PCDH15: variants seen among roughly 807,000 people sequenced by gnomAD.
The protein encoded by PCDH15 is protocadherin-15.
Under a neutral mutation model 178.5 loss-of-function variants are expected in PCDH15, and 129 were observed. The ratio of observed to expected loss-of-function variants is 0.72; its 90% CI spans 0.63 to 0.84. PCDH15 has a LOEUF of 0.84. Ranked by LOEUF, PCDH15 falls within the 40% of genes least tolerant of loss-of-function variation. The pLI, the probability that PCDH15 is intolerant of heterozygous loss-of-function variation, is 0.00. For missense variants in PCDH15, 2,230 were observed against 2,099.9 expected, an observed-to-expected ratio of 1.06 and a Z score of -1.21; for synonymous variants, 800 against 732.0, an observed-to-expected ratio of 1.09 and a Z score of -1.50.
At position 53,828,562 on chromosome 10, in the gene PCDH15, T is replaced by TA. The variant is rs1057517419; in HGVS notation, c.4211+2dup. ...GGATGTGTAAAATGTTAATTATACT[T>TA]ACACTTTAAACCTGTTTGGGAAAGC... On this transcript the variant is annotated splice_region_variant and intron_variant, in intron 31 of 37. Coordinates refer to ENST00000644397, the MANE Select transcript of PCDH15 (RefSeq NM_001384140.1). 1 of 1,553,694 alleles carries TA rather than the reference T, an allele frequency of 6.4e-7. No homozygotes were observed. The highest frequency in any genetic ancestry group is 8.9e-7 in the Non-Finnish European group (1 of 1,125,662).
intron 2 of PCDH15, among the ~76,000 whole-genome samples, chr10:54,930,114 C>A (rs1837734163): frequency 6.6e-6 from 1 of 152,136 alleles, no homozygotes; most frequent in Non-Finnish European, 1.5e-5. Context: ...TTCAACATGA[C>A]ATCTCCATCT....
chr10:55,262,647 G>A (rs998787944), intron 1 of PCDH15, among the ~76,000 whole-genome samples: 1 of 152,102 alleles, frequency 6.6e-6, no homozygotes, highest in East Asian at 1.9e-4. Flanking sequence ...TGAGCAGCCC[G>A]ACTCCAGGGA....
At chr10:55,584,658 C>CAA (rs59983365) in intron 2 of PCDH15, among the ~76,000 whole-genome samples, 116 of 72,136 alleles carry the variant, frequency 1.6e-3, no homozygotes, top group African/African-American at 4.0e-3. Context: ...ACTCTGTCTC[C>CAA]AAAAAAAAAA....
chr10:55,616,101 A>G (rs2132165109), intron 2 of PCDH15, among the ~76,000 whole-genome samples: 1 of 152,288 alleles, frequency 6.6e-6, no homozygotes, highest in Non-Finnish European at 1.5e-5. Flanking sequence ...CACCATTACC[A>G]TGCAGCAAAG....
At chr10:55,346,694 T>TC (rs1844763070) in intron 2 of PCDH15, among the ~76,000 whole-genome samples, 1 of 135,646 alleles carries the variant, frequency 7.4e-6, no homozygotes, top group Non-Finnish European at 1.6e-5. Context: ...ATCTTTGGAC[T>TC]TTTTTTTTTT....
chr10:54,192,256 G>A (rs1452243059), intron 11 of PCDH15, among the ~76,000 whole-genome samples: 2 of 151,158 alleles, frequency 1.3e-5, no homozygotes, highest in East Asian at 2.0e-4. Flanking sequence ...GAGGAAGGAA[G>A]GATGTAGTTA....
rs1841065735 is a variant in PCDH15, at chr10:53,805,029, T to TTTTC, written c.*1546_*1549dup. The TTTTC allele has an allele frequency of 6.6e-6, 1 of 152,030 alleles. No individual in the cohort carries two copies. The allele number at this position is 152,030 out of a possible 1,614,324, so 9.4% of individuals were successfully genotyped here. On this transcript the variant is annotated 3_prime_UTR_variant, in exon 38 of 38. Transcript: ENST00000644397. Reference sequence around the variant, plus strand: ...ATGTTACTGTATTTGATCTCAAATATTTTCTTGGAAATCTGAAGTAAAAAC... The same window carrying TTTTC: ...ATGTTACTGTATTTGATCTCAAATATTTTCTTTCTTGGAAATCTGAAGTAAAAAC...
chr10:54,844,771 T>C (rs945311198), intron 3 of PCDH15, among the ~76,000 whole-genome samples: 3 of 151,994 alleles, frequency 2.0e-5, no homozygotes, highest in African/African-American at 7.2e-5. Flanking sequence ...TTTATGAACT[T>C]TGGGAGAACT....
intron 1 of PCDH15, among the ~76,000 whole-genome samples, chr10:55,285,464 G>A (rs1842841957): frequency 6.6e-6 from 1 of 151,010 alleles, no homozygotes; most frequent in Non-Finnish European, 1.5e-5. Flanking sequence ...TCCATTAATG[G>A]GCATTAATAA....
At chr10:54,223,475 T>C (rs1483139623) in intron 9 of PCDH15, among the ~76,000 whole-genome samples, 2 of 75,312 alleles carry the variant, frequency 2.7e-5, no homozygotes, top group African/African-American at 7.6e-5. Context: ...TTTATTTGTT[T>C]ACATATGGCT....
rs1349468487 is a variant in PCDH15, at chr10:53,842,690, T to C, written c.3807-2194A>G. On this transcript the variant is annotated intron_variant, in intron 28 of 37. Coordinates refer to ENST00000644397, the MANE Select transcript of PCDH15 (RefSeq NM_001384140.1). ...TATTTTTATTAATTTGACTGAAATATTTCCATTAATAAGCTTCTTCCTTGT... is the reference window on the plus strand; with the variant it reads ...TATTTTTATTAATTTGACTGAAATACTTCCATTAATAAGCTTCTTCCTTGT... 2.0e-5 allele frequency among the ~76,000 whole-genome samples: 3 copies of C among 152,338 alleles called. No individual in the cohort carries two copies. The East Asian group carries it at 5.8e-4, about 29-fold the overall frequency.
intron 2 of PCDH15, among the ~76,000 whole-genome samples, chr10:55,529,085 T>C (rs1841383901): frequency 6.6e-6 from 1 of 152,114 alleles, no homozygotes; most frequent in South Asian, 2.1e-4. Context: ...TTTGTTTTTT[T>C]CTTGTAAATT....
chr10:54,848,427 C>T (rs537920855), intron 3 of PCDH15, among the ~76,000 whole-genome samples: 7 of 148,518 alleles, frequency 4.7e-5, no homozygotes, highest in East Asian at 2.0e-4. Context: ...TCAGTTATTA[C>T]GGGCATAGAA....
chr10:54,502,511 C>G (rs905428849), intron 3 of PCDH15, among the ~76,000 whole-genome samples: 1 of 152,006 alleles, frequency 6.6e-6, no homozygotes, highest in African/African-American at 2.4e-5. Flanking sequence ...TCTTTTTGCC[C>G]TCTAAAGTAC....
intron 2 of PCDH15, among the ~76,000 whole-genome samples, chr10:55,422,344 C>T (rs1838642776): frequency 6.6e-6 from 1 of 151,752 alleles, no homozygotes; most frequent in Non-Finnish European, 1.5e-5. Context: ...GGAAAAGGCA[C>T]CATATTTTGA....
chr10:54,809,323 A>G (rs1174985896), intron 3 of PCDH15, among the ~76,000 whole-genome samples: 1 of 152,166 alleles, frequency 6.6e-6, no homozygotes. Flanking sequence ...TATTAGGATC[A>G]CTGATTTCCT....
intron 3 of PCDH15, among the ~76,000 whole-genome samples, chr10:54,435,838 C>T (rs148853038): frequency 0.019 from 2,852 of 151,734 alleles, 96 homozygotes; most frequent in African/African-American, 0.065. Flanking sequence ...GTCGTGGTGG[C>T]GGGCGCCTGT....
chr10:54,844,935 G>A (rs986978613), intron 3 of PCDH15, among the ~76,000 whole-genome samples: 4 of 151,830 alleles, frequency 2.6e-5, no homozygotes, highest in Admixed American at 6.6e-5. Context: ...TCAAAAAGCA[G>A]AATTAAGAGC....
chr10:53,860,639 G>A (rs1457905317), intron 27 of PCDH15, among the ~76,000 whole-genome samples: 3 of 149,150 alleles, frequency 2.0e-5, no homozygotes, highest in Non-Finnish European at 3.0e-5. Context: ...GTTGAGGCAC[G>A]AGAATTGCTT....
Sources: allele counts gnomAD v4.1 joint callset (sites outside exome capture counted in the v4.1 genomes callset), GRCh38; gene constraint gnomAD v4.1.1; transcripts MANE v1.5; gene names NCBI Gene and HGNC (gene_info 2026-07-23, HGNC 2026-07-21).